ZDHHC14: variants seen among roughly 807,000 people sequenced by gnomAD.
ZDHHC14 encodes zDHHC palmitoyltransferase 14.
ZDHHC14 carries 16 observed loss-of-function variants against 47.7 expected under a neutral mutation model. The ratio of observed to expected loss-of-function variants is 0.34; its 90% CI spans 0.23 to 0.51. The LOEUF (loss-of-function observed/expected upper bound fraction) is 0.51, where lower values mean the gene tolerates loss of function less well. ZDHHC14 is among the 20% of genes least tolerant of loss of function. ZDHHC14 has a pLI of 0.97. For synonymous variants in ZDHHC14, 293 were observed against 278.9 expected (o/e 1.05, Z -0.50); for missense variants, 515 against 662.5 (o/e 0.78, Z 2.44).
intron 1 of ZDHHC14, among the ~76,000 whole-genome samples, chr6:157,413,991 C>A (rs182256122): frequency 5.9e-5 from 9 of 152,258 alleles, no homozygotes; most frequent in African/African-American, 9.6e-5. Flanking sequence ...GGCTAGAGTG[C>A]AGTGGTGCAA....
chr6:157,561,679 G>A (rs1782713840), intron 2 of ZDHHC14, among the ~76,000 whole-genome samples: 1 of 152,152 alleles, frequency 6.6e-6, no homozygotes, highest in South Asian at 2.1e-4. Context: ...TTATTTATTT[G>A]AGATGGAGTT....
At chr6:157,412,779 C>A (rs1042992344) in intron 1 of ZDHHC14, among the ~76,000 whole-genome samples, 5 of 152,178 alleles carry the variant, frequency 3.3e-5, no homozygotes, top group Admixed American at 2.6e-4. Flanking sequence ...ACGTCAGAAT[C>A]AGAGCAAAAC....
chr6:157,598,486 C>G lies in ZDHHC14; in HGVS notation c.565+5340C>G, dbSNP rs979389011. On this transcript the variant is annotated intron_variant, in intron 3 of 8. Coordinates refer to ENST00000359775, the MANE Select transcript of ZDHHC14 (RefSeq NM_024630.3). Reference sequence around the variant, plus strand: ...AGTATGTGAAAATATGAGCCAGTCCCCAGGGATCATTATTAAGAGCAGACC... The same window carrying G: ...AGTATGTGAAAATATGAGCCAGTCCGCAGGGATCATTATTAAGAGCAGACC... Among the ~76,000 whole-genome samples the G allele has an allele frequency of 6.6e-5, 10 of 152,002 alleles. No homozygotes were observed. The East Asian group carries it at 1.2e-3, about 18-fold the overall frequency.
At chr6:157,551,838 C>T (rs1160907410) in intron 2 of ZDHHC14, among the ~76,000 whole-genome samples, 1 of 152,202 alleles carries the variant, frequency 6.6e-6, no homozygotes, top group Middle Eastern at 3.2e-3. Flanking sequence ...CTTATTATTA[C>T]ATATTTAAAA....
intron 5 of ZDHHC14, among the ~76,000 whole-genome samples, chr6:157,634,193 G>C (rs942013918): frequency 1.3e-5 from 2 of 152,072 alleles, no homozygotes; most frequent in African/African-American, 4.8e-5. Context: ...GTTGGTTACA[G>C]GTCCAGATTC....
intron 1 of ZDHHC14, among the ~76,000 whole-genome samples, chr6:157,490,658 C>T (rs894801717): frequency 1.8e-4 from 28 of 152,156 alleles, no homozygotes; most frequent in African/African-American, 6.8e-4. Context: ...GAAGTTGAGT[C>T]TTGACTTGAA....
intron 2 of ZDHHC14, among the ~76,000 whole-genome samples, chr6:157,574,243 C>T (rs757877695): frequency 5.3e-4 from 81 of 151,802 alleles, no homozygotes; most frequent in Admixed American, 7.9e-4. Context: ...GCCAAGATGG[C>T]AAAATCCTAT....
At chr6:157,647,606 A>G (rs1357684633) in intron 7 of ZDHHC14, among the ~76,000 whole-genome samples, 2 of 152,172 alleles carry the variant, frequency 1.3e-5, no homozygotes, top group Non-Finnish European at 2.9e-5. Flanking sequence ...CTAAAGCCCA[A>G]AATAGAGAGA....
chr6:157,675,463 G>C lies in ZDHHC14; in HGVS notation c.*2341G>C, dbSNP rs1778955023. The C allele has an allele frequency of 6.6e-6, 1 of 152,174 alleles. No individual in the cohort carries two copies. The highest frequency in any genetic ancestry group is 2.4e-5 in the African/African-American group (1 of 41,424). 9.4% of individuals were successfully genotyped at this position (152,174 alleles called of 1,614,324 possible). A position where few individuals can be genotyped will look rare whatever the true frequency, so the allele number is the denominator to read the frequency against. On this transcript the variant is annotated 3_prime_UTR_variant, in exon 9 of 9. Transcript: ENST00000359775. The stretch of plus-strand genomic sequence containing the variant: ...ACACTTGGCATCATTTATCCAATAG[G>C]GGACTGGGAATTTTGGTGAAGTGAA...
intron 1 of ZDHHC14, among the ~76,000 whole-genome samples, chr6:157,384,854 T>C (rs1777280549): frequency 6.6e-6 from 1 of 152,256 alleles, no homozygotes; most frequent in Non-Finnish European, 1.5e-5. Context: ...CAGTACTGCC[T>C]GCCCCTGGCC....
At chr6:157,415,694 G>A (rs1777960262) in intron 1 of ZDHHC14, among the ~76,000 whole-genome samples, 2 of 152,114 alleles carry the variant, frequency 1.3e-5, no homozygotes, top group South Asian at 4.1e-4. Context: ...GGCCAACATG[G>A]TGAAACCCCG....
intron 1 of ZDHHC14, among the ~76,000 whole-genome samples, chr6:157,397,925 A>G (rs970344114): frequency 3.3e-5 from 5 of 152,136 alleles, no homozygotes; most frequent in African/African-American, 1.2e-4. Flanking sequence ...ACAAAGACAG[A>G]GGCTTTGGGG....
intron 1 of ZDHHC14, among the ~76,000 whole-genome samples, chr6:157,471,830 G>C (rs1562439170): frequency 6.6e-6 from 1 of 152,172 alleles, no homozygotes; most frequent in Non-Finnish European, 1.5e-5. Context: ...TATGAAGTGG[G>C]GGTTCCAATG....
intron 3 of ZDHHC14, among the ~76,000 whole-genome samples, chr6:157,619,407 A>G (rs1785094432): frequency 6.6e-6 from 1 of 152,138 alleles, no homozygotes; most frequent in South Asian, 2.1e-4. Context: ...AAAAACAAAA[A>G]CAGAATTTAA....
At chr6:157,517,215 CAG>C (rs1491013294) in intron 1 of ZDHHC14, among the ~76,000 whole-genome samples, 1 of 152,098 alleles carries the variant, frequency 6.6e-6, no homozygotes. Context: ...TCTCCTAAAG[CAG>C]GGGACTATTT....
At chr6:157,573,406 C>T (rs532610765) in intron 2 of ZDHHC14, among the ~76,000 whole-genome samples, 1 of 152,330 alleles carries the variant, frequency 6.6e-6, no homozygotes, top group South Asian at 2.1e-4. Flanking sequence ...GCAAGCCCGA[C>T]AGAATGGTTT....
intron 1 of ZDHHC14, among the ~76,000 whole-genome samples, chr6:157,531,648 A>G (rs1432655806): frequency 1.3e-5 from 2 of 149,126 alleles, no homozygotes; most frequent in Non-Finnish European, 3.0e-5. Context: ...TCTTGTCTTG[A>G]TCTTCCTGCT....
chr6:157,490,369 T>A (rs950871500), intron 1 of ZDHHC14, among the ~76,000 whole-genome samples: 4 of 152,172 alleles, frequency 2.6e-5, no homozygotes, highest in Non-Finnish European at 4.4e-5. Flanking sequence ...CAGCATGTAT[T>A]CCACATACGG....
intron 1 of ZDHHC14, among the ~76,000 whole-genome samples, chr6:157,419,564 G>A (rs1251729121): frequency 2.0e-5 from 3 of 152,170 alleles, no homozygotes; most frequent in Non-Finnish European, 4.4e-5. Flanking sequence ...CATGCAAGAT[G>A]TTGCCTTTTC....
Sources: gnomAD v4.1 joint callset for allele counts (sites outside exome capture counted in the v4.1 genomes callset) on GRCh38, gnomAD v4.1.1 for gene constraint, MANE v1.5 for transcripts, NCBI Gene and HGNC (gene_info 2026-07-23, HGNC 2026-07-21) for gene names.